Variants in NR0B2 observed in about 807,000 individuals in gnomAD.
NR0B2 encodes the protein nuclear receptor SHP.
Under a neutral mutation model 18.9 loss-of-function variants are expected in NR0B2, and 17 were observed. That is an observed-to-expected ratio of 0.90 (90% CI 0.62 to 1.35). The LOEUF (loss-of-function observed/expected upper bound fraction) is 1.35. Ranked by LOEUF, NR0B2 falls within the 40% of genes most tolerant of loss-of-function variation. The probability of loss-of-function intolerance (pLI) is 0.00; values close to 1 mark genes in which losing one functional copy is unlikely to be tolerated. For synonymous variants in NR0B2, 116 were observed against 138.5 expected (o/e 0.84, Z 1.14); for missense variants, 312 against 333.3 (o/e 0.94, Z 0.50).
chr1:26,913,488 G>A lies in NR0B2; in HGVS notation c.453C>T (p.Cys151=). The A allele has an allele frequency of 6.2e-7, 1 of 1,613,880 alleles. No homozygotes were observed. The highest frequency in any genetic ancestry group is 8.5e-7 in the Non-Finnish European group (1 of 1,179,836). Residue 151 remains cysteine (C), a synonymous_variant, in exon 1 of 2, where the codon TGC becomes TGT. Coordinates refer to ENST00000254227, the MANE Select transcript of NR0B2 (RefSeq NM_021969.3). The stretch of plus-strand genomic sequence containing the variant: ...CCAGGCTCCAGAAGGACTCCAGACA[G>A]CATTGAAGCCACTGCACCGCAGCCA... ...PSLAAVQWLQ[C]CLESFWSLEL...
rs2082027238 is a variant in NR0B2, at chr1:26,911,662, CTG to C, written c.*181_*182del. The C allele has an allele frequency of 1.4e-6, 1 of 705,844 alleles. No homozygotes were observed. The highest frequency in any genetic ancestry group is 2.2e-5 in the Admixed American group (1 of 45,114). 43.7% of individuals were successfully genotyped at this position (705,844 alleles called of 1,614,324 possible). ...AAAAGCCTCCCAGGCAGCTGGAACA[CTG>C]TGTCCAAACCAAGGAAGTCCAATGT... On this transcript the variant is annotated 3_prime_UTR_variant, in exon 2 of 2. Transcript: ENST00000254227.
intron 1 of NR0B2, 94 bp from the exon 2 acceptor site, chr1:26,912,180 C>A: frequency 2.7e-6 from 4 of 1,482,438 alleles, no homozygotes; most frequent in East Asian, 4.8e-5. Context: ...TCAGAGACAC[C>A]CCTCTGCCTC....
chr1:26,913,310 A>C, intron 1 of NR0B2, 99 bp downstream of exon 1: 1 of 1,050,776 alleles, frequency 9.5e-7, no homozygotes, highest in African/African-American at 1.6e-5. Flanking sequence ...GAAAATGAGG[A>C]CCCAATGAGA....
intron 1 of NR0B2, 55 bp downstream of exon 1, chr1:26,913,354 C>T: frequency 3.9e-6 from 6 of 1,536,560 alleles, no homozygotes; most frequent in Non-Finnish European, 5.4e-6. Context: ...GCTACCTTCC[C>T]TGGCTGGCCC....
rs2082028775 is a variant in NR0B2 at position 26,911,882 on chromosome 1, A to G, written c.737T>C (p.Ile246Thr). The G allele has an allele frequency of 1.2e-6, 2 of 1,614,148 alleles. No individual in the cohort carries two copies. Among genetic ancestry groups the G allele is most frequent in the South Asian group, 2.2e-5 (2 of 91,084 alleles). ...AAGCATGTCCCCAAGAAGGCCAGCG[A>G]TGTCAACATCTCCAATGATAGGGCG... ...FFRPIIGDVDIAGLLGDMLLL... is the reference protein window; with the variant it reads ...FFRPIIGDVDTAGLLGDMLLL... The change falls in exon 2 of 2, where the codon ATC becomes ACC. Residue 246 changes from isoleucine to threonine, a missense_variant. Physicochemically the swap from Ile to Thr is moderately conservative, Grantham distance 89. Coordinates refer to ENST00000254227, the MANE Select transcript of NR0B2 (RefSeq NM_021969.3).
rs1570712063 is a variant in NR0B2 at position 26,911,754 on chromosome 1, T to C, written c.*91A>G. The C allele has an allele frequency of 5.9e-6, 9 of 1,514,010 alleles. No homozygotes were observed. Among genetic ancestry groups the C allele is most frequent in the East Asian group, 4.6e-5 (2 of 43,742 alleles). The allele number at this position is 1,514,010 out of a possible 1,614,324, so 93.8% of individuals were successfully genotyped here. A position where few individuals can be genotyped will look rare whatever the true frequency, so the allele number is the denominator to read the frequency against. The stretch of plus-strand genomic sequence containing the variant: ...GTGCTGTCTATACAGGCTTGCCCCC[T>C]CCAGGAGCATTGGGTCACCTCTGGG... On this transcript the variant is annotated 3_prime_UTR_variant, in exon 2 of 2. Coordinates refer to ENST00000254227, the MANE Select transcript of NR0B2 (RefSeq NM_021969.3).
chr1:26,911,821 G>T lies in NR0B2; in HGVS notation c.*24C>A. Reference sequence around the variant, plus strand: ...CAGCACTGCCAGCCTCTGCCCACCTGATCTCTGCCTGGGCTGGAACAGGTC... The same window carrying T: ...CAGCACTGCCAGCCTCTGCCCACCTTATCTCTGCCTGGGCTGGAACAGGTC... On this transcript the variant is annotated 3_prime_UTR_variant, in exon 2 of 2. Coordinates refer to ENST00000254227, the MANE Select transcript of NR0B2 (RefSeq NM_021969.3). 1.9e-6 allele frequency: 3 copies of T among 1,614,036 alleles called. No homozygotes were observed. Among genetic ancestry groups the T allele is most frequent in the Non-Finnish European group, 2.5e-6 (3 of 1,179,998 alleles).
Position 26,911,687 on chromosome 1 carries a change from T to G in NR0B2, c.*158A>C. ...CTGTGTCCAAACCAAGGAAGTCCAA[T>G]GTGGGGTGTGGCTGAGTGAAGAGCT... On this transcript the variant is annotated 3_prime_UTR_variant, in exon 2 of 2. Coordinates refer to ENST00000254227, the MANE Select transcript of NR0B2 (RefSeq NM_021969.3). The G allele has an allele frequency of 4.8e-6, 4 of 832,238 alleles. No homozygotes were observed. Among genetic ancestry groups the G allele is most frequent in the Non-Finnish European group, 6.0e-6 (3 of 504,126 alleles). The allele number at this position is 832,238 out of a possible 1,614,324, so 51.6% of individuals were successfully genotyped here.
At position 26,913,020 on chromosome 1, in the gene NR0B2, C is replaced by T. The variant is rs187186495; in HGVS notation, c.532+389G>A. Among the ~76,000 whole-genome samples, 510 of 152,290 alleles carry T rather than the reference C, an allele frequency of 3.3e-3. 3 individuals are homozygous for T. The highest frequency in any genetic ancestry group is 5.4e-3 in the Non-Finnish European group (369 of 68,028). ...AGGACTGGCCAAGCACGGTGGCTCA[C>T]GCCTGTAATCCCAGCACTTTGGGAG... On this transcript the variant is annotated intron_variant, in intron 1 of 1. Coordinates refer to ENST00000254227, the MANE Select transcript of NR0B2 (RefSeq NM_021969.3).
chr1:26,913,188 AG>A (rs1302313285), intron 1 of NR0B2, among the ~76,000 whole-genome samples: 2 of 152,162 alleles, frequency 1.3e-5, no homozygotes, highest in Non-Finnish European at 2.9e-5. Context: ...CGGGAGGCTG[AG>A]GCAGAGAAAA....
At position 26,913,945 on chromosome 1, in the gene NR0B2, A is replaced by C; in HGVS notation, c.-5T>G. The C allele has an allele frequency of 1.4e-6, 2 of 1,469,246 alleles. No homozygotes were observed. The highest frequency in any genetic ancestry group is 1.8e-6 in the Non-Finnish European group (2 of 1,107,870). The allele number at this position is 1,469,246 out of a possible 1,614,324, so 91.0% of individuals were successfully genotyped here. On this transcript the variant is annotated 5_prime_UTR_variant, in exon 1 of 2. Coordinates refer to ENST00000254227, the MANE Select transcript of NR0B2 (RefSeq NM_021969.3). ...CCCTGGTTGGCTGGTGCTCATGGTT[A>C]GGGATCTGCTCTCACTTCCAGCTCT...
chr1:26,912,043 C>T lies in NR0B2; in HGVS notation c.576G>A (p.Gln192=), dbSNP rs1237360231. The change falls in exon 2 of 2, where the codon CAG becomes CAA. Residue 192 remains glutamine (Q), a synonymous_variant. Coordinates refer to ENST00000254227, the MANE Select transcript of NR0B2 (RefSeq NM_021969.3). The part of the protein sequence containing the change: ...LQAASHIGHL[Q]QEAHWVLCEV... ...CACACAGCACCCAGTGAGCCTCCTG[C>T]TGCAGGTGCCCAATGTGGGAGGCGG... is the stretch of plus-strand genomic sequence containing the variant. 1.2e-6 allele frequency: 2 copies of T among 1,614,030 alleles called. No individual in the cohort carries two copies. The highest frequency in any genetic ancestry group is 1.7e-6 in the Non-Finnish European group (2 of 1,180,054).
rs764142312 is a variant in NR0B2 at position 26,913,467 on chromosome 1, G to C, written c.474C>G (p.Ser158Arg). 2.5e-6 allele frequency: 4 copies of C among 1,614,084 alleles called. No homozygotes were observed. The highest frequency in any genetic ancestry group is 2.2e-5 in the South Asian group (2 of 91,078). Residue 158 changes from serine to arginine, a missense_variant, in exon 1 of 2, where the codon AGC becomes AGG. Coordinates refer to ENST00000254227, the MANE Select transcript of NR0B2 (RefSeq NM_021969.3). ...CATATTCCTTGGGGCTAAGCTCCAG[G>C]CTCCAGAAGGACTCCAGACAGCATT... ...WLQCCLESFW[S>R]LELSPKEYAC...
Position 26,913,579 on chromosome 1 carries a change from A to G in NR0B2, c.362T>C (p.Ile121Thr), listed in dbSNP as rs767851905. ...ACTGCTGCTGGGCTCCTCCAGCAGAATCTTCTTGAGTATGCTGGGCACCGG... is the reference window on the plus strand; with the variant it reads ...ACTGCTGCTGGGCTCCTCCAGCAGAGTCTTCTTGAGTATGCTGGGCACCGG... ...EAPVPSILKK[I>T]LLEEPSSSGG... is the part of the protein sequence containing the mutation. Residue 121 changes from isoleucine (I) to threonine (T), a missense_variant, in exon 1 of 2, where the codon ATT becomes ACT. Coordinates refer to ENST00000254227, the MANE Select transcript of NR0B2 (RefSeq NM_021969.3). The G allele has an allele frequency of 7.4e-6, 12 of 1,614,006 alleles. No individual in the cohort carries two copies. The highest frequency in any genetic ancestry group is 1.0e-5 in the Non-Finnish European group (12 of 1,180,006).
Position 26,913,638 on chromosome 1 carries a change from G to A in NR0B2, c.303C>T (p.Ala101=), listed in dbSNP as rs774062559. The change falls in exon 1 of 2, where the codon GCC becomes GCT. Residue 101 remains alanine, a synonymous_variant. Transcript: ENST00000254227. Reference sequence around the variant, plus strand: ...CCACCTCAAAGGTCACAGCATCTTGGGCCAACCCAAGCAGGAAGAGGGGGC... The same window carrying A: ...CCACCTCAAAGGTCACAGCATCTTGAGCCAACCCAAGCAGGAAGAGGGGGC... ...CWGPLFLLGL[A]QDAVTFEVAE... The A allele has an allele frequency of 1.5e-5, 25 of 1,613,970 alleles. No individual in the cohort carries two copies. The highest frequency in any genetic ancestry group is 2.1e-5 in the Non-Finnish European group (25 of 1,179,974).
chr1:26,913,759 T>C lies in NR0B2; in HGVS notation c.182A>G (p.Asp61Gly). ...APHRTCREALDVLAKTVAFLR... is the reference protein window; with the variant it reads ...APHRTCREALGVLAKTVAFLR... ...GAAGGCCACTGTCTTGGCCAGAACA[T>C]CCAAGGCCTCCCGGCAGGTGCGATG... is the stretch of plus-strand genomic sequence containing the variant. The change falls in exon 1 of 2, where the codon GAT (aspartate) becomes GGT (glycine). Residue 61 changes from aspartate to glycine, a missense_variant. Asp to Gly is a moderately conservative substitution (Grantham distance 94). Transcript: ENST00000254227. The C allele has an allele frequency of 6.3e-7, 1 of 1,578,236 alleles. No homozygotes were observed. Among genetic ancestry groups the C allele is most frequent in the Non-Finnish European group, 8.6e-7 (1 of 1,159,654 alleles).
Position 26,913,557 on chromosome 1 carries a change from G to A in NR0B2, c.384C>T (p.Ser128=), listed in dbSNP as rs2082041462. 6.2e-7 allele frequency: 1 copy of A among 1,614,004 alleles called. No individual in the cohort carries two copies. Among genetic ancestry groups the A allele is most frequent in the South Asian group, 1.1e-5 (1 of 91,092 alleles). Residue 128 remains serine, a synonymous_variant, in exon 1 of 2, where the codon AGC becomes AGT. Transcript: ENST00000254227. ...CTGGCAGTTGGCCACTGCCTCCACT[G>A]CTGCTGGGCTCCTCCAGCAGAATCT... ...LKKILLEEPS[S]SGGSGQLPDR...
Position 26,913,966 on chromosome 1 carries a change from G to A in NR0B2, c.-26C>T. The A allele has an allele frequency of 7.0e-7, 1 of 1,437,780 alleles. No individual in the cohort carries two copies. Among genetic ancestry groups the A allele is most frequent in the Non-Finnish European group, 9.2e-7 (1 of 1,091,168 alleles). The allele number at this position is 1,437,780 out of a possible 1,614,324, so 89.1% of individuals were successfully genotyped here. On this transcript the variant is annotated 5_prime_UTR_variant, in exon 1 of 2. Transcript: ENST00000254227. The stretch of plus-strand genomic sequence containing the variant: ...GGTTAGGGATCTGCTCTCACTTCCA[G>A]CTCTCTGGCTCTGTGTTCTGCGCTG...
In NR0B2 at chr1:26,911,565, T is replaced by A; in HGVS notation, c.*280A>T. 2.1e-6 allele frequency: 1 copy of A among 475,078 alleles called. No homozygotes were observed. Among genetic ancestry groups the A allele is most frequent in the South Asian group, 2.1e-5 (1 of 48,246 alleles). 29.4% of individuals were successfully genotyped at this position (475,078 alleles called of 1,614,324 possible). A position where few individuals can be genotyped will look rare whatever the true frequency, so the allele number is the denominator to read the frequency against. ...AAAGTCGATAGGACTTCTGGTCCAA[T>A]AAGCAGCCTAAGCTTTCATTCTCAT... is the stretch of plus-strand genomic sequence containing the variant. On this transcript the variant is annotated 3_prime_UTR_variant, in exon 2 of 2. Coordinates refer to ENST00000254227, the MANE Select transcript of NR0B2 (RefSeq NM_021969.3).
Sources: gnomAD v4.1 joint callset for allele counts (sites outside exome capture counted in the v4.1 genomes callset) on GRCh38, gnomAD v4.1.1 for gene constraint, MANE v1.5 for transcripts, NCBI Gene and HGNC (gene_info 2026-07-23, HGNC 2026-07-21) for gene names.